The following EXOC6B variants were observed in gnomAD, a reference collection of about 807,000 sequenced individuals.
EXOC6B encodes SEC15 homolog B.
EXOC6B carries 54 observed loss-of-function variants against 113.5 expected under a neutral mutation model. That is an observed-to-expected ratio of 0.48 (90% CI 0.38 to 0.60). The LOEUF (loss-of-function observed/expected upper bound fraction) is 0.60, where lower values mean the gene tolerates loss of function less well. Ranked by LOEUF, EXOC6B falls within the 20% of genes least tolerant of loss-of-function variation. The pLI is 0.00. For synonymous variants in EXOC6B, 357 were observed against 339.0 expected (o/e 1.05, Z -0.58); for missense variants, 797 against 977.5 (o/e 0.82, Z 2.46).
intron 20 of EXOC6B, among the ~76,000 whole-genome samples, chr2:72,244,640 T>C (rs2080044): frequency 0.12 from 18,107 of 152,000 alleles, 1,337 homozygotes; most frequent in Admixed American, 0.16. Context: ...ATAGAAATGA[T>C]AAACTTCTAG....
chr2:72,214,701 G>A (rs911234555), intron 20 of EXOC6B, among the ~76,000 whole-genome samples: 10 of 152,082 alleles, frequency 6.6e-5, no homozygotes, highest in Admixed American at 2.6e-4. Flanking sequence ...CCACTTGCAG[G>A]CTTCTTTCTT....
rs138945240 is a variant in EXOC6B, at chr2:72,481,060, T to C, written c.1666-310A>G. Among the ~76,000 whole-genome samples, 136 of 152,310 alleles carry C rather than the reference T, an allele frequency of 8.9e-4. 3 individuals are homozygous for C. Among genetic ancestry groups the C allele is most frequent in the Middle Eastern group, 3.4e-3 (1 of 294 alleles). ...AGTTTCCCCCATGCTATTCTCGTGATAGTGAGTGAGTTCTCACAGATTTGA... is the reference window on the plus strand; with the variant it reads ...AGTTTCCCCCATGCTATTCTCGTGACAGTGAGTGAGTTCTCACAGATTTGA... On this transcript the variant is annotated intron_variant, in intron 16 of 21. Coordinates refer to ENST00000272427, the MANE Select transcript of EXOC6B (RefSeq NM_015189.3).
rs374251671 is a variant in EXOC6B, at chr2:72,389,482, C to T, written c.1981-9612G>A. Among the ~76,000 whole-genome samples the T allele has an allele frequency of 1.5e-4, 23 of 151,980 alleles. 2 individuals are homozygous for T. The highest frequency in any genetic ancestry group is 4.6e-4 in the African/African-American group (19 of 41,518). ...TTTTTTATCTTAACTACATATTTTT[C>T]ATTTCTGGTATTCTTTGCTCCTCTA... On this transcript the variant is annotated intron_variant, in intron 18 of 21. Coordinates refer to ENST00000272427, the MANE Select transcript of EXOC6B (RefSeq NM_015189.3).
rs111853198 is a variant in EXOC6B, at chr2:72,409,846, A to T, written c.1981-29976T>A. Among the ~76,000 whole-genome samples, 22 of 152,250 alleles carry T rather than the reference A, an allele frequency of 1.4e-4. 2 individuals are homozygous for T. Among genetic ancestry groups the T allele is most frequent in the African/African-American group, 4.6e-4 (19 of 41,546 alleles). ...ACAAACCTGCACGTTGTGCACATGTACCCTAAAACTTAAAGTATAATAAAA... is the reference window on the plus strand; with the variant it reads ...ACAAACCTGCACGTTGTGCACATGTTCCCTAAAACTTAAAGTATAATAAAA... On this transcript the variant is annotated intron_variant, in intron 18 of 21. Transcript: ENST00000272427.
chr2:72,284,690 T>C (rs1292862863), intron 20 of EXOC6B, among the ~76,000 whole-genome samples: 1 of 152,022 alleles, frequency 6.6e-6, no homozygotes, highest in Non-Finnish European at 1.5e-5. Flanking sequence ...AAACTGTCTT[T>C]TTTTCTTTTG....
At chr2:72,428,592 C>G (rs1326900560) in intron 18 of EXOC6B, among the ~76,000 whole-genome samples, 2 of 152,178 alleles carry the variant, frequency 1.3e-5, no homozygotes, top group Non-Finnish European at 2.9e-5. Flanking sequence ...CCCTTGGAGG[C>G]ATGGGATCCA....
intron 20 of EXOC6B, among the ~76,000 whole-genome samples, chr2:72,218,751 C>A (rs1488879387): frequency 6.6e-6 from 1 of 152,064 alleles, no homozygotes; most frequent in Non-Finnish European, 1.5e-5. Flanking sequence ...CAACCTCCGA[C>A]TCCCTGGTTC....
At chr2:72,350,422 A>C (rs963805014) in intron 19 of EXOC6B, among the ~76,000 whole-genome samples, 7 of 152,210 alleles carry the variant, frequency 4.6e-5, no homozygotes, top group Non-Finnish European at 8.8e-5. Flanking sequence ...AATTAGATCA[A>C]TATTAACATA....
At chr2:72,773,440 T>A (rs1046245658) in intron 1 of EXOC6B, among the ~76,000 whole-genome samples, 2 of 150,232 alleles carry the variant, frequency 1.3e-5, no homozygotes, top group African/African-American at 2.5e-5. Context: ...GATCTTAAGT[T>A]TTCTCACCAA....
intron 10 of EXOC6B, among the ~76,000 whole-genome samples, chr2:72,513,764 G>A (rs1444167499): frequency 1.3e-5 from 2 of 151,702 alleles, no homozygotes; most frequent in Non-Finnish European, 2.9e-5. Context: ...TCATACAAAG[G>A]TTTCAAAAAT....
At chr2:72,491,856 G>T (rs1699761557) in intron 16 of EXOC6B, among the ~76,000 whole-genome samples, 1 of 152,114 alleles carries the variant, frequency 6.6e-6, no homozygotes. Context: ...TCATACATAT[G>T]AGATATCTTA....
intron 20 of EXOC6B, among the ~76,000 whole-genome samples, chr2:72,239,719 G>C (rs543731362): frequency 6.6e-6 from 1 of 152,110 alleles, no homozygotes. Flanking sequence ...GATTTCAATA[G>C]GAATTGTGTT....
intron 8 of EXOC6B, among the ~76,000 whole-genome samples, chr2:72,550,908 A>ATTTTT (rs1254862534): frequency 2.1e-5 from 3 of 141,302 alleles, no homozygotes; most frequent in East Asian, 2.1e-4. Flanking sequence ...ACTGCCATTT[A>ATTTTT]TTTTTTTTTT....
At chr2:72,491,817 CT>C (rs1219147216) in intron 16 of EXOC6B, among the ~76,000 whole-genome samples, 2 of 152,064 alleles carry the variant, frequency 1.3e-5, no homozygotes, top group African/African-American at 4.8e-5. Context: ...TGCAAACAAA[CT>C]ACAAGCTGAT....
At chr2:72,558,826 C>A (rs1438612188) in intron 8 of EXOC6B, among the ~76,000 whole-genome samples, 6 of 151,688 alleles carry the variant, frequency 4.0e-5, no homozygotes, top group South Asian at 2.1e-4. Flanking sequence ...AGAGACTGGG[C>A]AATAAGACAT....
rs757306445 is a variant in EXOC6B at position 72,731,247 on chromosome 2, T to C, written c.328-2A>G. ...CAGCTCTTCCATTGCTATTACCAGC[T>C]TGGCAAGAGGGAAAAAGACTGAATT... On this transcript the variant is annotated splice_acceptor_variant, in intron 3 of 21. Transcript: ENST00000272427. LOFTEE classifies it high-confidence loss of function. 6.2e-7 allele frequency: 1 copy of C among 1,611,262 alleles called. No homozygotes were observed. Among genetic ancestry groups the C allele is most frequent in the African/African-American group, 1.3e-5 (1 of 74,936 alleles).
At chr2:72,691,608 T>G (rs1677483873) in intron 6 of EXOC6B, among the ~76,000 whole-genome samples, 1 of 151,712 alleles carries the variant, frequency 6.6e-6, no homozygotes, top group Non-Finnish European at 1.5e-5. Context: ...AAAAAAAATT[T>G]AACAGGAACG....
intron 1 of EXOC6B, among the ~76,000 whole-genome samples, chr2:72,808,650 G>T (rs1248867706): frequency 6.6e-6 from 1 of 152,056 alleles, no homozygotes; most frequent in Non-Finnish European, 1.5e-5. Flanking sequence ...AGGCATAGTG[G>T]TACACACCTG....
intron 2 of EXOC6B, among the ~76,000 whole-genome samples, chr2:72,740,356 T>C (rs182982390): frequency 6.6e-5 from 10 of 152,330 alleles, no homozygotes; most frequent in African/African-American, 1.9e-4. Flanking sequence ...ATAAAACTGT[T>C]ATTACTTACA....
Sources: gnomAD v4.1 joint callset for allele counts (sites outside exome capture counted in the v4.1 genomes callset) on GRCh38, gnomAD v4.1.1 for gene constraint, MANE v1.5 for transcripts, NCBI Gene and HGNC (gene_info 2026-07-23, HGNC 2026-07-21) for gene names.